Variants in MECR observed in about 807,000 individuals in gnomAD.
MECR encodes mitochondrial trans-2-enoyl-CoA reductase, also known as enoyl-[acyl-carrier-protein] reductase, mitochondrial.
Under a neutral mutation model 49.1 loss-of-function variants are expected in MECR, and 37 were observed. The ratio of observed to expected loss-of-function variants is 0.75; its 90% CI spans 0.58 to 0.99. MECR has a LOEUF of 0.99. MECR is among the 50% of genes least tolerant of loss of function. The pLI, the probability that MECR is intolerant of heterozygous loss-of-function variation, is 0.00. For missense variants in MECR, 470 were observed against 479.6 expected (o/e 0.98, Z 0.19); for synonymous variants, 198 against 191.1 (o/e 1.04, Z -0.30).
At chr1:29,230,630 C>A in intron 1 of MECR, 101 bp downstream of exon 1, 1 of 1,427,346 alleles carries the variant, frequency 7.0e-7, no homozygotes, top group Non-Finnish European at 9.5e-7. Context: ...TATTCTCTGC[C>A]CCCTTCCTCG....
intron 3 of MECR, among the ~76,000 whole-genome samples, chr1:29,211,739 C>T (rs1014724068): frequency 5.3e-5 from 8 of 152,176 alleles, no homozygotes; most frequent in Non-Finnish European, 8.8e-5. Context: ...GCACTTTCTA[C>T]GGCTCTGTGC....
At chr1:29,223,009 T>C in intron 1 of MECR, 1 of 823,172 alleles carries the variant, frequency 1.2e-6, no homozygotes, top group Non-Finnish European at 1.5e-6. Flanking sequence ...AGTGTAATGA[T>C]AGCAATTTCT....
At position 29,201,846 on chromosome 1, in the gene MECR, G is replaced by T; in HGVS notation, c.756+97C>A. 3 of 1,080,090 alleles carry T rather than the reference G, an allele frequency of 2.8e-6. No homozygotes were observed. The highest frequency in any genetic ancestry group is 1.3e-5 in the South Asian group (1 of 74,124). 66.9% of individuals were successfully genotyped at this position (1,080,090 alleles called of 1,614,324 possible). On this transcript the variant is annotated intron_variant, in intron 6 of 9. Coordinates refer to ENST00000263702, the MANE Select transcript of MECR (RefSeq NM_016011.5). The surrounding 1 kb of genome is among the most constrained non-coding windows in gnomAD (Gnocchi z 4.3). ...GAGGCAAAGGGAGGTTTCCAGAGAG[G>T]AACAATGGGGCCAGTCCCCAGTTTC...
chr1:29,187,161 T>C, the MECR span, among the ~76,000 whole-genome samples: 3 of 152,222 alleles, frequency 2.0e-5, no homozygotes, highest in African/African-American at 7.2e-5. Flanking sequence ...GTGGGTGTTC[T>C]GAGAGTTTCC....
chr1:29,217,723 C>T (rs1014203512), intron 1 of MECR, among the ~76,000 whole-genome samples: 1 of 152,220 alleles, frequency 6.6e-6, no homozygotes, highest in South Asian at 2.1e-4. Context: ...AAATCCCAGG[C>T]TAGCTGACAT....
At chr1:29,200,385 A>G in intron 7 of MECR, 131 bp downstream of exon 7, 1 of 765,328 alleles carries the variant, frequency 1.3e-6, no homozygotes, top group Non-Finnish European at 2.0e-6. Flanking sequence ...CTTTGGTCCT[A>G]GTTTCCACTC....
rs1256538702 is a variant in MECR, at chr1:29,221,764, T to C, written c.177-5079A>G. Among the ~76,000 whole-genome samples the C allele has an allele frequency of 2.6e-5, 4 of 152,176 alleles. No individual in the cohort carries two copies. The East Asian group carries it at 7.7e-4, about 29-fold the overall frequency. Reference sequence around the variant, plus strand: ...GGGCTAGACATACAGAACTGTGAGTTGGCTGGGTGGGTGGAGTCTAGGAGA... The same window carrying C: ...GGGCTAGACATACAGAACTGTGAGTCGGCTGGGTGGGTGGAGTCTAGGAGA... On this transcript the variant is annotated intron_variant, in intron 1 of 9. Coordinates refer to ENST00000263702, the MANE Select transcript of MECR (RefSeq NM_016011.5).
the MECR span, among the ~76,000 whole-genome samples, chr1:29,176,160 G>A: frequency 6.6e-6 from 1 of 152,166 alleles, no homozygotes; most frequent in East Asian, 1.9e-4. Flanking sequence ...GCTGAGGCAG[G>A]AGAATTGCTT....
chr1:29,217,510 C>T lies in MECR; in HGVS notation c.177-825G>A, dbSNP rs560262591. On this transcript the variant is annotated intron_variant, in intron 1 of 9. Coordinates refer to ENST00000263702, the MANE Select transcript of MECR (RefSeq NM_016011.5). ...GATTACAGGTGTGAGCCACTGTGCC[C>T]GGTCTTTCAACCCCACTGCCCACTC... Among the ~76,000 whole-genome samples the T allele has an allele frequency of 4.6e-5, 7 of 152,200 alleles. No homozygotes were observed. The East Asian group carries it at 5.8e-4, about 13-fold the overall frequency.
chr1:29,188,413 A>G (rs1049524952), downstream of MECR, among the ~76,000 whole-genome samples: 3 of 152,004 alleles, frequency 2.0e-5, no homozygotes, highest in African/African-American at 7.2e-5. Flanking sequence ...CATGTTGCTC[A>G]GGCTGGTCTC....
chr1:29,214,838 G>A (rs986477887), intron 3 of MECR, among the ~76,000 whole-genome samples: 6 of 152,272 alleles, frequency 3.9e-5, no homozygotes, highest in Admixed American at 2.6e-4. Context: ...TCCAATGGAT[G>A]GATAATACCT....
chr1:29,195,276 G>A (rs1470686852), intron 9 of MECR, among the ~76,000 whole-genome samples: 2 of 152,160 alleles, frequency 1.3e-5, no homozygotes, highest in Admixed American at 6.6e-5. Flanking sequence ...TCAGTGCCTA[G>A]TTGCACGTGT....
intron 4 of MECR, among the ~76,000 whole-genome samples, chr1:29,204,614 G>T (rs186255588): frequency 6.6e-6 from 1 of 152,228 alleles, no homozygotes; most frequent in East Asian, 1.9e-4. Context: ...CATGTGTCAA[G>T]ATCCTAAGTT....
chr1:29,178,353 C>CTTTTTTTTTTT, the MECR span, among the ~76,000 whole-genome samples: 1 of 127,900 alleles, frequency 7.8e-6, no homozygotes, highest in East Asian at 2.3e-4. Context: ...GTTTCAATTA[C>CTTTTTTTTTTT]TTTTTTTTTT....
chr1:29,206,866 A>G lies in MECR; in HGVS notation c.446T>C (p.Leu149Pro). ...AGGGATGTCACTCGGAACTTGGATC[A>G]GTGCTTCCTCGCTGAACACAGCCTC... is the stretch of plus-strand genomic sequence containing the variant. ...RTEAVFSEEA[L>P]IQVPSDIPLQ... The change falls in exon 4 of 10, where the codon CTG becomes CCG. Residue 149 changes from leucine to proline, a missense_variant. By Grantham distance (98) the Leu-to-Pro change is moderately conservative (BLOSUM62 -3). Transcript: ENST00000263702. The G allele has an allele frequency of 6.2e-7, 1 of 1,614,206 alleles. No homozygotes were observed.
At chr1:29,214,572 G>A (rs934262521) in intron 3 of MECR, among the ~76,000 whole-genome samples, 2 of 141,486 alleles carry the variant, frequency 1.4e-5, no homozygotes, top group African/African-American at 5.4e-5. Flanking sequence ...ATGTTGGCCA[G>A]GCTAGTCTTG....
chr1:29,180,753 G>A, the MECR span, among the ~76,000 whole-genome samples: 2 of 152,156 alleles, frequency 1.3e-5, no homozygotes, highest in African/African-American at 2.4e-5. Context: ...CTCCAGGCCT[G>A]ATTCCTCAAC....
chr1:29,174,191 C>T, the MECR span, among the ~76,000 whole-genome samples: 1 of 95,750 alleles, frequency 1.0e-5, no homozygotes, highest in Admixed American at 1.3e-4. Flanking sequence ...GAGACCCCAT[C>T]TCAAAAAAAA....
At chr1:29,221,889 GAGGACTGACTGCCGTTCAGT>G (rs2151909493) in intron 1 of MECR, among the ~76,000 whole-genome samples, 1 of 152,248 alleles carries the variant, frequency 6.6e-6, no homozygotes, top group Admixed American at 6.5e-5. Context: ...TTATATACAT[GAGGACTGACTGCCGTTCAGT>G]CCTCAAAATG....
Sources: allele counts gnomAD v4.1 joint callset (sites outside exome capture counted in the v4.1 genomes callset), GRCh38; gene constraint gnomAD v4.1.1; non-coding constraint Gnocchi (gnomAD v3.1); transcripts MANE v1.5; gene names NCBI Gene and HGNC (gene_info 2026-07-23, HGNC 2026-07-21).